CLTA: variants seen among roughly 807,000 people sequenced by gnomAD.
CLTA encodes clathrin, light polypeptide (Lca).
CLTA carries 9 observed loss-of-function variants against 26.9 expected under a neutral mutation model. The observed-to-expected ratio is 0.33, with a 90% CI of 0.20 to 0.58. The LOEUF is 0.58. Ranked by LOEUF, CLTA falls within the 20% of genes least tolerant of loss-of-function variation. The pLI, the probability that CLTA is intolerant of heterozygous loss-of-function variation, is 0.85. For synonymous variants in CLTA, 120 were observed against 115.5 expected (o/e 1.04, Z -0.25); for missense variants, 278 against 294.2 (o/e 0.94, Z 0.40).
At chr9:36,210,888 A>C (rs1237487154) in intron 4 of CLTA, among the ~76,000 whole-genome samples, 1 of 152,154 alleles carries the variant, frequency 6.6e-6, no homozygotes, top group Admixed American at 6.5e-5. Context: ...AGCTCCCACC[A>C]GTTAATTCCG....
At chr9:36,209,823 G>A (rs982130346) in intron 4 of CLTA, among the ~76,000 whole-genome samples, 2 of 152,230 alleles carry the variant, frequency 1.3e-5, no homozygotes, top group African/African-American at 4.8e-5. Context: ...ACAATGTGGG[G>A]TCGTTTGCCT....
chr9:36,191,922 G>A (rs559492559), intron 1 of CLTA, among the ~76,000 whole-genome samples: 1 of 152,234 alleles, frequency 6.6e-6, no homozygotes, highest in African/African-American at 2.4e-5. Flanking sequence ...GAACAGCTTT[G>A]GTAGGCAATA....
At chr9:36,205,702 G>C (rs1240711068) in intron 4 of CLTA, among the ~76,000 whole-genome samples, 1 of 151,152 alleles carries the variant, frequency 6.6e-6, no homozygotes, top group Middle Eastern at 3.2e-3. Context: ...TGTCAAGAAA[G>C]GGATATTCTC....
At chr9:36,203,580 T>C (rs932233060) in intron 3 of CLTA, among the ~76,000 whole-genome samples, 35 of 152,218 alleles carry the variant, frequency 2.3e-4, no homozygotes, top group Admixed American at 9.8e-4. Flanking sequence ...ACAAAACCAT[T>C]GTCAAACCTG....
intron 3 of CLTA, among the ~76,000 whole-genome samples, chr9:36,199,447 CTTTTTTCTTTTTTTT>C (rs1348772676): frequency 6.7e-6 from 1 of 150,134 alleles, no homozygotes; most frequent in Non-Finnish European, 1.5e-5. Flanking sequence ...TTTCTTTTTT[CTTTTTTCTTTTTTTT>C]TTTTTGAGAT....
intron 3 of CLTA, among the ~76,000 whole-genome samples, chr9:36,201,060 T>A (rs933290606): frequency 5.9e-5 from 9 of 152,246 alleles, no homozygotes; most frequent in Non-Finnish European, 1.3e-4. Context: ...GGAGAGAGTC[T>A]ACTTTGGTGT....
At chr9:36,196,690 G>A (rs34020166) in intron 1 of CLTA, among the ~76,000 whole-genome samples, 390 of 152,156 alleles carry the variant, frequency 2.6e-3, no homozygotes, top group Non-Finnish European at 4.3e-3. Context: ...TTACAGAGGC[G>A]AAATTGAATA....
At position 36,190,922 on chromosome 9, in the gene CLTA, C is replaced by G; in HGVS notation, c.-135C>G. On this transcript the variant is annotated 5_prime_UTR_variant, in exon 1 of 5. Coordinates refer to ENST00000345519, the MANE Select transcript of CLTA (RefSeq NM_001833.4). ...CGACCGGATACACGGGTAGGGCTTC[C>G]GCTTTACCCGTCTCCCTCCTGGCGC... 2 of 1,391,158 alleles carry G rather than the reference C, an allele frequency of 1.4e-6. No individual in the cohort carries two copies. Among genetic ancestry groups the G allele is most frequent in the Non-Finnish European group, 1.9e-6 (2 of 1,070,852 alleles). The allele number at this position is 1,391,158 out of a possible 1,614,324, so 86.2% of individuals were successfully genotyped here. A position where few individuals can be genotyped will look rare whatever the true frequency, so the allele number is the denominator to read the frequency against.
At chr9:36,206,475 C>T (rs1465768110) in intron 4 of CLTA, among the ~76,000 whole-genome samples, 1 of 152,154 alleles carries the variant, frequency 6.6e-6, no homozygotes. Context: ...ATATTGCTGA[C>T]TACTCCCCCT....
At chr9:36,197,471 A>G in intron 1 of CLTA, 80 bp from the exon 2 acceptor site, 1 of 926,538 alleles carries the variant, frequency 1.1e-6, no homozygotes, top group Non-Finnish European at 1.8e-6. Context: ...ACAGCATATG[A>G]TGCTGTATTC....
chr9:36,191,431 C>G (rs1343207808), intron 1 of CLTA, among the ~76,000 whole-genome samples, 158 bp downstream of exon 1: 2 of 152,248 alleles, frequency 1.3e-5, no homozygotes, highest in Non-Finnish European at 2.9e-5. Flanking sequence ...TTTCAGAAAC[C>G]TAGGCTCGAG....
In CLTA at chr9:36,191,102, G is replaced by T. The variant is rs1284876257; in HGVS notation, c.46G>T (p.Gly16Cys). 1 of 1,594,790 alleles carries T rather than the reference G, an allele frequency of 6.3e-7. No homozygotes were observed. Among genetic ancestry groups the T allele is most frequent in the Admixed American group, 1.7e-5 (1 of 57,936 alleles). ...CGGCGCCCCTGCCGGCGCCCCTGGC[G>T]GTCCCGCGCTGGGGAACGGAGTGGC... is the stretch of plus-strand genomic sequence containing the variant. The part of the protein sequence containing the change: ...PFGAPAGAPG[G>C]PALGNGVAGA... Residue 16 changes from glycine to cysteine, a missense_variant, in exon 1 of 5, where the codon GGT (glycine) becomes TGT (cysteine). By Grantham distance (159) the Gly-to-Cys change is radical. Coordinates refer to ENST00000345519, the MANE Select transcript of CLTA (RefSeq NM_001833.4).
chr9:36,199,351 A>G (rs566636622), intron 3 of CLTA, among the ~76,000 whole-genome samples: 2 of 152,254 alleles, frequency 1.3e-5, no homozygotes, highest in South Asian at 4.1e-4. Context: ...CCTGACCTCA[A>G]GAGTAGCCTC....
At chr9:36,205,993 C>T (rs1401056942) in intron 4 of CLTA, among the ~76,000 whole-genome samples, 2 of 152,096 alleles carry the variant, frequency 1.3e-5, no homozygotes, top group Admixed American at 6.5e-5. Flanking sequence ...ATCTCCTGAC[C>T]TCGTGATCTG....
intron 1 of CLTA, among the ~76,000 whole-genome samples, chr9:36,192,602 G>A (rs12337147): frequency 0.094 from 14,344 of 152,136 alleles, 917 homozygotes; most frequent in East Asian, 0.17. Flanking sequence ...AGTGATTAGG[G>A]GATATTTTCA....
At position 36,190,955 on chromosome 9, in the gene CLTA, C is replaced by T. The variant is rs949784095; in HGVS notation, c.-102C>T. The T allele has an allele frequency of 1.5e-5, 22 of 1,439,122 alleles. No individual in the cohort carries two copies. Among genetic ancestry groups the T allele is most frequent in the South Asian group, 4.5e-5 (3 of 67,320 alleles). The allele number at this position is 1,439,122 out of a possible 1,614,324, so 89.1% of individuals were successfully genotyped here. A position where few individuals can be genotyped will look rare whatever the true frequency, so the allele number is the denominator to read the frequency against. On this transcript the variant is annotated 5_prime_UTR_variant, in exon 1 of 5. Coordinates refer to ENST00000345519, the MANE Select transcript of CLTA (RefSeq NM_001833.4). Reference sequence around the variant, plus strand: ...CCGTCTCCCTCCTGGCGCTTGTCCTCCTCTCCCAGTCGGCACCACAGCGGT... The same window carrying T: ...CCGTCTCCCTCCTGGCGCTTGTCCTTCTCTCCCAGTCGGCACCACAGCGGT...
intron 1 of CLTA, among the ~76,000 whole-genome samples, chr9:36,194,549 C>T (rs984944393): frequency 2.0e-5 from 3 of 152,134 alleles, no homozygotes; most frequent in African/African-American, 7.2e-5. Flanking sequence ...GAGAATGGAT[C>T]GGTGTGGAAG....
chr9:36,191,295 G>T, intron 1 of CLTA, 22 bp downstream of exon 1: 3 of 1,491,382 alleles, frequency 2.0e-6, no homozygotes, highest in Non-Finnish European at 2.7e-6. Context: ...GGCGCGTTTG[G>T]GGCGAGAGGA....
At chr9:36,204,879 C>G (rs1290732863) in intron 4 of CLTA, among the ~76,000 whole-genome samples, 2 of 152,206 alleles carry the variant, frequency 1.3e-5, no homozygotes, top group Admixed American at 1.3e-4. Flanking sequence ...TGTGGTGTTG[C>G]TTCCCTCAGG....
Sources: allele counts gnomAD v4.1 joint callset (sites outside exome capture counted in the v4.1 genomes callset), GRCh38; gene constraint gnomAD v4.1.1; transcripts MANE v1.5; gene names NCBI Gene and HGNC (gene_info 2026-07-23, HGNC 2026-07-21).